The following SBNO1 variants were observed in gnomAD, a reference collection of about 807,000 sequenced individuals.
The protein encoded by SBNO1 is strawberry notch homolog 1, also known as protein strawberry notch homolog 1.
Under a neutral mutation model 173.6 loss-of-function variants are expected in SBNO1, and 23 were observed. The observed-to-expected ratio is 0.13, with a 90% CI of 0.10 to 0.19. The LOEUF (loss-of-function observed/expected upper bound fraction) is 0.19, where lower values mean the gene tolerates loss of function less well. Among genes scored for constraint, SBNO1 ranks in the 10% least tolerant of loss-of-function variants. SBNO1 has a pLI of 1.00. For missense variants in SBNO1, 1,238 were observed against 1,671.2 expected (o/e 0.74, Z 4.52); for synonymous variants, 632 against 571.5 (o/e 1.11, Z -1.51).
chr12:123,298,326 G>A (rs1196512786), intron 30 of SBNO1, among the ~76,000 whole-genome samples, 155 bp from the exon 31 acceptor site: 3 of 152,140 alleles, frequency 2.0e-5, no homozygotes, highest in Non-Finnish European at 4.4e-5. Flanking sequence ...GAGCGCAGTG[G>A]TGCGATCTCG....
rs893327444 is a variant in SBNO1 at position 123,330,515 on chromosome 12, A to G, written c.1044-6T>C. On this transcript the variant is annotated splice_region_variant and splice_polypyrimidine_tract_variant and intron_variant, in intron 8 of 31. Transcript: ENST00000602398. ...AGTCATTTGAAACACTAAACCTGCC[A>G]AAATATTAAAAAGCACAAATTAAAT... 6.1e-6 allele frequency: 9 copies of G among 1,486,134 alleles called. No homozygotes were observed. Among genetic ancestry groups the G allele is most frequent in the Non-Finnish European group, 8.3e-6 (9 of 1,081,548 alleles). 92.1% of individuals were successfully genotyped at this position (1,486,134 alleles called of 1,614,324 possible).
chr12:123,323,669 A>G lies in SBNO1; in HGVS notation c.2125+11T>C, dbSNP rs1339836568. ...GCACCTGGCCTATTTTTTCTTTTTT[A>G]AAGTGCTCACCTTTCCGCTTCTTTA... On this transcript the variant is annotated intron_variant, in intron 16 of 31. Transcript: ENST00000602398. The G allele has an allele frequency of 6.3e-7, 1 of 1,581,652 alleles. No individual in the cohort carries two copies. Among genetic ancestry groups the G allele is most frequent in the African/African-American group, 1.4e-5 (1 of 72,808 alleles).
chr12:123,348,958 T>G (rs1873553761), intron 2 of SBNO1: 1 of 143,408 alleles, frequency 7.0e-6, no homozygotes, highest in South Asian at 2.2e-4. Flanking sequence ...AGACTCTGTC[T>G]CAAGAAAAAA....
chr12:123,306,747 A>G (rs1376445659), intron 28 of SBNO1, among the ~76,000 whole-genome samples: 3 of 152,122 alleles, frequency 2.0e-5, no homozygotes, highest in Non-Finnish European at 2.9e-5. Context: ...TTCTACCAAT[A>G]TCAACATCTT....
Position 123,330,734 on chromosome 12 carries a change from G to A in SBNO1, c.1044-225C>T, listed in dbSNP as rs191408711. 1.4e-3 allele frequency among the ~76,000 whole-genome samples: 206 copies of A among 152,004 alleles called. 2 individuals are homozygous for A. Among genetic ancestry groups the A allele is most frequent in the Admixed American group, 4.9e-3 (75 of 15,256 alleles). ...GAGGACTGCTTGAGCCCAGGAGTTCGAGACCAGCCTGAGCAACACAAGAAG... is the reference window on the plus strand; with the variant it reads ...GAGGACTGCTTGAGCCCAGGAGTTCAAGACCAGCCTGAGCAACACAAGAAG... On this transcript the variant is annotated intron_variant, in intron 8 of 31. Coordinates refer to ENST00000602398, the MANE Select transcript of SBNO1 (RefSeq NM_001167856.3).
chr12:123,331,855 C>T (rs1566041196), intron 7 of SBNO1, among the ~76,000 whole-genome samples: 2 of 150,934 alleles, frequency 1.3e-5, no homozygotes, highest in African/African-American at 2.4e-5. Flanking sequence ...TGGATACTTT[C>T]TTTTTTTTCT....
chr12:123,362,553 G>A (rs2139118871), intron 1 of SBNO1, among the ~76,000 whole-genome samples: 1 of 150,684 alleles, frequency 6.6e-6, no homozygotes, highest in South Asian at 2.1e-4. Flanking sequence ...ATCACTTGAG[G>A]TCACTAGTGT....
chr12:123,293,910 C>T lies in SBNO1; in HGVS notation c.*1998G>A, dbSNP rs534135456. On this transcript the variant is annotated 3_prime_UTR_variant, in exon 32 of 32. Coordinates refer to ENST00000602398, the MANE Select transcript of SBNO1 (RefSeq NM_001167856.3). ...TCCTCAGGTCCAGCGACTGCACCTC[C>T]ACCACTGGAGTGGGGGACACTTCCA... 8.3e-6 allele frequency: 1 copy of T among 120,234 alleles called. No individual in the cohort carries two copies. Among genetic ancestry groups the T allele is most frequent in the Non-Finnish European group, 1.8e-5 (1 of 55,770 alleles). The allele number at this position is 120,234 out of a possible 1,614,324, so 7.4% of individuals were successfully genotyped here.
chr12:123,315,617 G>T lies in SBNO1; in HGVS notation c.2979C>A (p.Val993=). The T allele has an allele frequency of 6.2e-7, 1 of 1,613,912 alleles. No individual in the cohort carries two copies. Among genetic ancestry groups the T allele is most frequent in the Non-Finnish European group, 8.5e-7 (1 of 1,179,870 alleles). The change falls in exon 22 of 32, where the codon GTC becomes GTA. Residue 993 remains valine, a synonymous_variant. Transcript: ENST00000602398. ...RSNQVTAPEY[V]FLISELAGEQ... is the part of the protein sequence containing the mutation. ...CTCCTGCCAGTTCAGATATCAGAAA[G>T]ACATACTCAGGAGCAGTAACTTGGT... is the stretch of plus-strand genomic sequence containing the variant.
At chr12:123,364,217 G>C (rs887512767) in intron 1 of SBNO1, 1 of 985,482 alleles carries the variant, frequency 1.0e-6, no homozygotes, top group Non-Finnish European at 1.2e-6. Context: ...CGACCGCGTC[G>C]CCTGCCTCCC....
rs546299885 is a variant in SBNO1 at position 123,308,368 on chromosome 12, T to C, written c.3630+942A>G. 1.1e-4 allele frequency among the ~76,000 whole-genome samples: 16 copies of C among 152,086 alleles called. No individual in the cohort carries two copies. In the East Asian group the frequency reaches 2.9e-3, roughly 28 times the overall value. On this transcript the variant is annotated intron_variant, in intron 28 of 31. Coordinates refer to ENST00000602398, the MANE Select transcript of SBNO1 (RefSeq NM_001167856.3). ...AAGTAAGTCTCTGTCTTATGAAAAATGCTTAATTTAAGAAAATGTTGGCCA... is the reference window on the plus strand; with the variant it reads ...AAGTAAGTCTCTGTCTTATGAAAAACGCTTAATTTAAGAAAATGTTGGCCA...
chr12:123,297,400 C>CAAAAAAAAAAAAA lies in SBNO1; in HGVS notation c.4039+565_4039+577dup, dbSNP rs59447456. On this transcript the variant is annotated intron_variant, in intron 31 of 31. Coordinates refer to ENST00000602398, the MANE Select transcript of SBNO1 (RefSeq NM_001167856.3). The stretch of plus-strand genomic sequence containing the variant: ...TACAACATCCCAAAATACTGGTGTC[C>CAAAAAAAAAAAAA]AAAAAAAAAAAAAAAAAAAAAATTC... Among the ~76,000 whole-genome samples the CAAAAAAAAAAAAA allele has an allele frequency of 1.8e-3, 58 of 31,504 alleles. 4 individuals are homozygous for CAAAAAAAAAAAAA. Among genetic ancestry groups the CAAAAAAAAAAAAA allele is most frequent in the African/African-American group, 4.9e-3 (46 of 9,478 alleles). 20.7% of individuals were successfully genotyped at this position (31,504 alleles called of 152,430 possible). A position where few individuals can be genotyped will look rare whatever the true frequency, so the allele number is the denominator to read the frequency against.
At chr12:123,338,930 G>A (rs369476582) in intron 5 of SBNO1, among the ~76,000 whole-genome samples, 76 of 95,332 alleles carry the variant, frequency 8.0e-4, no homozygotes, top group African/African-American at 2.2e-3. Context: ...CCCCCTCCCC[G>A]ACTAGTTTGG....
intron 20 of SBNO1, among the ~76,000 whole-genome samples, chr12:123,318,969 T>G (rs1300198567): frequency 7.8e-6 from 1 of 128,886 alleles, no homozygotes; most frequent in Non-Finnish European, 1.7e-5. Context: ...AAGGGAACGT[T>G]TTTTTTTTTT....
intron 25 of SBNO1, among the ~76,000 whole-genome samples, chr12:123,310,212 C>G (rs34165714): frequency 0.015 from 2,342 of 152,242 alleles, 22 homozygotes; most frequent in Non-Finnish European, 0.026. Flanking sequence ...CTGAGCTCCA[C>G]CCGACTTCAG....
intron 4 of SBNO1, among the ~76,000 whole-genome samples, chr12:123,341,703 T>C (rs1245090676): frequency 6.6e-6 from 1 of 151,638 alleles, no homozygotes; most frequent in African/African-American, 2.4e-5. Context: ...GTAATTTTTT[T>C]TTTAAGTAAA....
intron 1 of SBNO1, chr12:123,363,854 C>A: frequency 1.0e-6 from 1 of 985,554 alleles, no homozygotes; most frequent in Non-Finnish European, 1.2e-6. Context: ...AGGGGAGGAG[C>A]TGGATGCCAG....
chr12:123,345,408 C>G lies in SBNO1; in HGVS notation c.400G>C (p.Val134Leu), dbSNP rs1426085312. 3 of 1,614,102 alleles carry G rather than the reference C, an allele frequency of 1.9e-6. No homozygotes were observed. In the African/African-American group the frequency reaches 4.0e-5, roughly 22 times the overall value. ...IQTTASTRPS[V>L]SAPTVRNAMT... ...GCATTTCGTACTGTTGGTGCTGAGA[C>G]TGACGGGCGTGTGCTTGCAGTAGTC... Residue 134 changes from valine (V) to leucine (L), a missense_variant, in exon 4 of 32, where the codon GTC becomes CTC. Physicochemically the swap from Val to Leu is conservative, Grantham distance 32. Around this residue, in one of 14 missense-constraint regions of SBNO1, gnomAD observed 287 missense variants for 274.1 expected, o/e 1.05. Coordinates refer to ENST00000602398, the MANE Select transcript of SBNO1 (RefSeq NM_001167856.3).
intron 1 of SBNO1, among the ~76,000 whole-genome samples, chr12:123,360,471 G>C (rs1875012467): frequency 6.6e-6 from 1 of 151,984 alleles, no homozygotes; most frequent in Non-Finnish European, 1.5e-5. Flanking sequence ...TTGAGACAGA[G>C]TCTCGCTGTG....
Sources: allele counts gnomAD v4.1 joint callset (sites outside exome capture counted in the v4.1 genomes callset), GRCh38; gene constraint gnomAD v4.1.1; regional missense constraint gnomAD v4.1.1; transcripts MANE v1.5; gene names NCBI Gene and HGNC (gene_info 2026-07-23, HGNC 2026-07-21).